The following PTDSS1 variants were observed in gnomAD, a reference collection of about 807,000 sequenced individuals.
PTDSS1 encodes the protein phosphatidylserine synthase 1, also known as PSS-1.
A neutral mutation model predicts 70.5 loss-of-function variants in PTDSS1; 45 were observed. The observed-to-expected ratio is 0.64, with a 90% CI of 0.50 to 0.82. The LOEUF (loss-of-function observed/expected upper bound fraction) is 0.82, where lower values mean the gene tolerates loss of function less well. PTDSS1 is among the 40% of genes least tolerant of loss of function. The probability of loss-of-function intolerance (pLI) is 0.00; values close to 1 mark genes in which losing one functional copy is unlikely to be tolerated. For synonymous variants in PTDSS1, 188 were observed against 203.8 expected, an observed-to-expected ratio of 0.92 and a Z score of 0.66; for missense variants, 417 against 586.1, an observed-to-expected ratio of 0.71 and a Z score of 2.98.
chr8:96,277,772 CT>C (rs1199814525), intron 2 of PTDSS1, among the ~76,000 whole-genome samples: 1 of 152,180 alleles, frequency 6.6e-6, no homozygotes, highest in African/African-American at 2.4e-5. Context: ...TGGTCAACTT[CT>C]ACAGGAAGGG....
At chr8:96,315,363 G>A (rs367729493) in intron 9 of PTDSS1, among the ~76,000 whole-genome samples, 3 of 152,150 alleles carry the variant, frequency 2.0e-5, no homozygotes, top group Admixed American at 6.5e-5. Context: ...CCAGGTACCC[G>A]GCCTCCATGT....
intron 3 of PTDSS1, among the ~76,000 whole-genome samples, chr8:96,286,644 T>C (rs1810825901): frequency 6.6e-6 from 1 of 152,204 alleles, no homozygotes; most frequent in South Asian, 2.1e-4. Context: ...CATTCCCCTC[T>C]CTGCCAGTGC....
At position 96,336,959 on chromosome 8, in the gene PTDSS1, G is replaced by C. The variant is rs368904298; in HGVS notation, c.*3393G>C. On this transcript the variant is annotated 3_prime_UTR_variant, in exon 13 of 13. Coordinates refer to ENST00000517309, the MANE Select transcript of PTDSS1 (RefSeq NM_014754.3). ...TCCAGTGAGCCGAGATCACGCCACC[G>C]CACTCTCTAACCTGGGCGACAGAGC... is the stretch of plus-strand genomic sequence containing the variant. 1 of 124,570 alleles carries C rather than the reference G, an allele frequency of 8.0e-6. No individual in the cohort carries two copies. Among genetic ancestry groups the C allele is most frequent in the Non-Finnish European group, 1.6e-5 (1 of 64,254 alleles). 7.7% of individuals were successfully genotyped at this position (124,570 alleles called of 1,614,324 possible).
chr8:96,317,866 A>G (rs1415115090), intron 9 of PTDSS1, among the ~76,000 whole-genome samples: 1 of 149,208 alleles, frequency 6.7e-6, no homozygotes. Context: ...TGTCTTATGA[A>G]GCTTTTGTTT....
chr8:96,276,976 G>GCACACACACACACA lies in PTDSS1; in HGVS notation c.271+3587_271+3588insACACACACACACAC, dbSNP rs1278729372. ...CCCGGGCACATACACGCGCGCACGC[G>GCACACACACACACA]CGCGCACACACACACACACACACAC... On this transcript the variant is annotated intron_variant, in intron 2 of 12. Coordinates refer to ENST00000517309, the MANE Select transcript of PTDSS1 (RefSeq NM_014754.3). Among the ~76,000 whole-genome samples the GCACACACACACACA allele has an allele frequency of 3.9e-3, 419 of 107,570 alleles. 3 individuals are homozygous for GCACACACACACACA. The highest frequency in any genetic ancestry group is 0.012 in the African/African-American group (402 of 33,394). The allele number at this position is 107,570 out of a possible 152,430, so 70.6% of individuals were successfully genotyped here. A position where few individuals can be genotyped will look rare whatever the true frequency, so the allele number is the denominator to read the frequency against.
At chr8:96,293,990 T>C (rs1810942504) in intron 4 of PTDSS1, among the ~76,000 whole-genome samples, 1 of 152,236 alleles carries the variant, frequency 6.6e-6, no homozygotes, top group Admixed American at 6.5e-5. Context: ...TTCATCTTAT[T>C]GCAGGGCAGT....
At chr8:96,317,071 G>GTA (rs147250029) in intron 9 of PTDSS1, among the ~76,000 whole-genome samples, 9 of 148,622 alleles carry the variant, frequency 6.1e-5, no homozygotes, top group South Asian at 2.1e-4. Context: ...GTGTGTGTGT[G>GTA]TATATATATA....
At chr8:96,318,853 T>G (rs1002434978) in intron 9 of PTDSS1, among the ~76,000 whole-genome samples, 1 of 151,746 alleles carries the variant, frequency 6.6e-6, no homozygotes, top group East Asian at 1.9e-4. Flanking sequence ...GTGACCACTA[T>G]GTCTGCCAGT....
At chr8:96,300,832 T>C (rs1811039899) in intron 6 of PTDSS1, among the ~76,000 whole-genome samples, 1 of 152,174 alleles carries the variant, frequency 6.6e-6, no homozygotes, top group Admixed American at 6.5e-5. Flanking sequence ...AAGACTGGAG[T>C]GATCATTCTT....
At chr8:96,317,922 C>T in intron 9 of PTDSS1, among the ~76,000 whole-genome samples, 1 of 134,726 alleles carries the variant, frequency 7.4e-6, no homozygotes, top group African/African-American at 2.7e-5. Context: ...TGTGTGTGTA[C>T]ACGCATGCGT....
Position 96,304,167 on chromosome 8 carries a change from A to C in PTDSS1, c.880A>C (p.Met294Leu), listed in dbSNP as rs1458053442. Residue 294 changes from methionine (M) to leucine (L), a missense_variant, in exon 7 of 13, where the codon ATG (methionine) becomes CTG (leucine). Around this residue, in one of 3 missense-constraint regions of PTDSS1, gnomAD observed 272 missense variants for 429.5 expected, o/e 0.63. Coordinates refer to ENST00000517309, the MANE Select transcript of PTDSS1 (RefSeq NM_014754.3). Reference protein sequence around the residue: ...FQRVAGVYLFMIIWQLTELNT... With the variant: ...FQRVAGVYLFLIIWQLTELNT... ...GAGAGTAGCTGGAGTGTACCTTTTC[A>C]TGATCATCTGGCAGGTATTTTTTCA... 2 of 1,607,506 alleles carry C rather than the reference A, an allele frequency of 1.2e-6. No individual in the cohort carries two copies. The highest frequency in any genetic ancestry group is 2.7e-5 in the African/African-American group (2 of 74,456).
intron 8 of PTDSS1, among the ~76,000 whole-genome samples, chr8:96,307,135 C>T (rs1379893073): frequency 6.6e-6 from 1 of 152,042 alleles, no homozygotes; most frequent in Non-Finnish European, 1.5e-5. Flanking sequence ...GTAGACTGGG[C>T]CCAGTGCAGT....
chr8:96,329,309 TG>T (rs968782452), intron 10 of PTDSS1, among the ~76,000 whole-genome samples: 7 of 151,132 alleles, frequency 4.6e-5, no homozygotes, highest in Non-Finnish European at 5.9e-5. Context: ...TGCCTTGTTT[TG>T]TTCTGGTTGC....
intron 8 of PTDSS1, among the ~76,000 whole-genome samples, chr8:96,309,031 G>A (rs1811167110): frequency 6.6e-6 from 1 of 152,034 alleles, no homozygotes. Flanking sequence ...TTGTCCTGGA[G>A]AGAACCAGAG....
In PTDSS1 at chr8:96,261,978, C is replaced by T; in HGVS notation, c.-63C>T. The T allele has an allele frequency of 2.6e-6, 4 of 1,535,020 alleles. No individual in the cohort carries two copies. The South Asian group carries it at 3.6e-5, about 14-fold the overall frequency. On this transcript the variant is annotated 5_prime_UTR_variant, in exon 1 of 13. Coordinates refer to ENST00000517309, the MANE Select transcript of PTDSS1 (RefSeq NM_014754.3). ...TATTAGCCTACTGTGGCTAGTCACC[C>T]CCGGGGTCCCGGCCTTCTCGGGCTG...
Position 96,331,056 on chromosome 8 carries a change from A to G in PTDSS1, c.1273A>G (p.Ser425Gly). 1 of 1,613,684 alleles carries G rather than the reference A, an allele frequency of 6.2e-7. No individual in the cohort carries two copies. The highest frequency in any genetic ancestry group is 8.5e-7 in the Non-Finnish European group (1 of 1,179,566). ...TYSECEDGTY[S>G]PEISWHHRKG... The stretch of plus-strand genomic sequence containing the variant: ...CTCGGAGTGTGAAGATGGCACCTAC[A>G]GTCCAGAGATCTCCTGGCATCACAG... The change falls in exon 12 of 13, where the codon AGT (serine) becomes GGT (glycine). Residue 425 changes from serine to glycine, a missense_variant. Around this residue, in one of 3 missense-constraint regions of PTDSS1, gnomAD observed 107 missense variants for 122.3 expected, o/e 0.88. Transcript: ENST00000517309.
intron 4 of PTDSS1, among the ~76,000 whole-genome samples, chr8:96,292,165 T>C (rs980776053): frequency 6.6e-6 from 1 of 151,200 alleles, no homozygotes; most frequent in Non-Finnish European, 1.5e-5. Context: ...CTGGGCGTGG[T>C]GGCACGCACC....
Position 96,306,416 on chromosome 8 carries a change from G to C in PTDSS1, c.895-28G>C, listed in dbSNP as rs766670802. ...GATTTTGAATTAGCATGAGGTACCA[G>C]GTTGACTAATTTCTCCGTCTTTTTC... On this transcript the variant is annotated intron_variant, in intron 7 of 12. Transcript: ENST00000517309. 3.3e-6 allele frequency: 5 copies of C among 1,515,296 alleles called. No individual in the cohort carries two copies. In the South Asian group the frequency reaches 5.6e-5, roughly 17 times the overall value. The allele number at this position is 1,515,296 out of a possible 1,614,324, so 93.9% of individuals were successfully genotyped here. A position where few individuals can be genotyped will look rare whatever the true frequency, so the allele number is the denominator to read the frequency against.
intron 8 of PTDSS1, among the ~76,000 whole-genome samples, chr8:96,307,116 A>G (rs904547119): frequency 6.6e-6 from 1 of 152,048 alleles, no homozygotes; most frequent in Non-Finnish European, 1.5e-5. Flanking sequence ...TTCAGACACC[A>G]TCCCTCAAGT....
Sources: gnomAD v4.1 joint callset for allele counts (sites outside exome capture counted in the v4.1 genomes callset) on GRCh38, gnomAD v4.1.1 for gene constraint, gnomAD v4.1.1 regional missense constraint, MANE v1.5 for transcripts, NCBI Gene and HGNC (gene_info 2026-07-23, HGNC 2026-07-21) for gene names.